UBE2E2: variants seen among roughly 807,000 people sequenced by gnomAD.
UBE2E2 encodes ubiquitin-conjugating enzyme E2 E2.
A neutral mutation model predicts 24.7 loss-of-function variants in UBE2E2; 6 were observed. The observed-to-expected ratio is 0.24, with a 90% CI of 0.13 to 0.48. UBE2E2 has a LOEUF of 0.48. Ranked by LOEUF, UBE2E2 falls within the 20% of genes least tolerant of loss-of-function variation. The probability of loss-of-function intolerance (pLI) is 0.99; values close to 1 mark genes in which losing one functional copy is unlikely to be tolerated. For missense variants in UBE2E2, 169 were observed against 245.0 expected, an observed-to-expected ratio of 0.69 and a Z score of 2.07; for synonymous variants, 104 against 83.6, an observed-to-expected ratio of 1.24 and a Z score of -1.33.
At chr3:23,526,569 A>C (rs1018689154) in intron 4 of UBE2E2, among the ~76,000 whole-genome samples, 1 of 152,216 alleles carries the variant, frequency 6.6e-6, no homozygotes, top group African/African-American at 2.4e-5. Flanking sequence ...AGGAGGTCCT[A>C]CTGCAAGTAT....
chr3:23,333,756 A>G (rs1356934546), intron 3 of UBE2E2, among the ~76,000 whole-genome samples: 2 of 152,174 alleles, frequency 1.3e-5, no homozygotes, highest in African/African-American at 4.8e-5. Context: ...GCTTCTGAGT[A>G]TTAAAGGACA....
At chr3:23,532,737 G>A (rs1241993845) in intron 5 of UBE2E2, 36 bp downstream of exon 5, 1 of 1,473,020 alleles carries the variant, frequency 6.8e-7, no homozygotes, top group Non-Finnish European at 9.2e-7. Context: ...ATTGGAGCTT[G>A]TCAAGATTTA....
chr3:23,451,055 T>A (rs1698550402), intron 3 of UBE2E2, among the ~76,000 whole-genome samples: 1 of 152,222 alleles, frequency 6.6e-6, no homozygotes, highest in Non-Finnish European at 1.5e-5. Context: ...GGGAACTTTT[T>A]GTACTATCTT....
At position 23,499,757 on chromosome 3, in the gene UBE2E2, C is replaced by T. The variant is rs1699679252; in HGVS notation, c.360+17C>T. The T allele has an allele frequency of 6.2e-7, 1 of 1,606,734 alleles. No individual in the cohort carries two copies. The highest frequency in any genetic ancestry group is 8.5e-7 in the Non-Finnish European group (1 of 1,178,186). ...CCCCCTAAGGTCAGTATGAAGTTTT[C>T]ATTGATTTTTAGCAATATGGATTAT... On this transcript the variant is annotated intron_variant, in intron 4 of 5. Transcript: ENST00000396703.
At chr3:23,418,627 T>G (rs114289726) in intron 3 of UBE2E2, among the ~76,000 whole-genome samples, 1,691 of 152,306 alleles carry the variant, frequency 0.011, 22 homozygotes, top group African/African-American at 0.037. Context: ...TAACCAGAGA[T>G]GTTTTGTTTG....
intron 3 of UBE2E2, among the ~76,000 whole-genome samples, chr3:23,451,090 C>T (rs952492841): frequency 6.6e-6 from 1 of 152,172 alleles, no homozygotes; most frequent in African/African-American, 2.4e-5. Context: ...AAATCTGCAA[C>T]TATTGTAAAA....
chr3:23,406,132 C>T (rs778461), intron 3 of UBE2E2, among the ~76,000 whole-genome samples: 6 of 152,134 alleles, frequency 3.9e-5, no homozygotes, highest in Non-Finnish European at 7.4e-5. Context: ...CTGCCTGGAA[C>T]GCAGAATTAT....
chr3:23,567,040 T>C lies in UBE2E2; in HGVS notation c.509-22694T>C, dbSNP rs570474412. On this transcript the variant is annotated intron_variant, in intron 5 of 5. Transcript: ENST00000396703. ...CTCTCACAAATTTCCAGACCAGTCT[T>C]AGTGAGGTAAAAAGATGCATTCTAG... is the stretch of plus-strand genomic sequence containing the variant. 2.6e-5 allele frequency among the ~76,000 whole-genome samples: 4 copies of C among 152,300 alleles called. No homozygotes were observed. The South Asian group carries it at 6.2e-4, about 24-fold the overall frequency.
intron 3 of UBE2E2, among the ~76,000 whole-genome samples, chr3:23,427,182 G>A (rs1262079065): frequency 1.3e-5 from 2 of 151,482 alleles, no homozygotes; most frequent in Non-Finnish European, 2.9e-5. Flanking sequence ...GCACTTTGGG[G>A]AGGCTGACAT....
chr3:23,208,060 G>A (rs1035731260), intron 1 of UBE2E2, among the ~76,000 whole-genome samples: 2 of 151,784 alleles, frequency 1.3e-5, no homozygotes, highest in Non-Finnish European at 2.9e-5. Context: ...TTGAGACAGG[G>A]TCTTGCTCTG....
chr3:23,404,522 T>C (rs1697311441), intron 3 of UBE2E2, among the ~76,000 whole-genome samples: 1 of 152,200 alleles, frequency 6.6e-6, no homozygotes, highest in Non-Finnish European at 1.5e-5. Flanking sequence ...TTTGTTGTTA[T>C]TTGATGAATA....
At chr3:23,359,323 C>T (rs1696050054) in intron 3 of UBE2E2, among the ~76,000 whole-genome samples, 1 of 152,132 alleles carries the variant, frequency 6.6e-6, no homozygotes, top group Admixed American at 6.5e-5. Context: ...GAATGTAGAT[C>T]AACAAGATAA....
chr3:23,504,960 G>A (rs576268224), intron 4 of UBE2E2, among the ~76,000 whole-genome samples: 1 of 133,746 alleles, frequency 7.5e-6, no homozygotes, highest in South Asian at 2.5e-4. Flanking sequence ...CCAGGCTGGA[G>A]TGCAGTGACG....
intron 3 of UBE2E2, among the ~76,000 whole-genome samples, chr3:23,322,149 A>G (rs1694755603): frequency 6.6e-6 from 1 of 152,228 alleles, no homozygotes; most frequent in South Asian, 2.1e-4. Flanking sequence ...TGAAATATTT[A>G]GTAAGTTATA....
intron 3 of UBE2E2, among the ~76,000 whole-genome samples, chr3:23,466,987 G>T (rs187455098): frequency 9.8e-5 from 15 of 152,306 alleles, no homozygotes; most frequent in Admixed American, 2.6e-4. Context: ...GAAAGCAAAA[G>T]AACAATTATT....
chr3:23,518,170 G>T (rs60430884), intron 4 of UBE2E2, among the ~76,000 whole-genome samples: 82,784 of 151,892 alleles, frequency 0.55, 23,340 homozygotes, highest in East Asian at 0.74. Context: ...TTTGGAAGCC[G>T]TGGAATGTGA....
At chr3:23,565,457 T>C in intron 5 of UBE2E2, among the ~76,000 whole-genome samples, 1 of 144,816 alleles carries the variant, frequency 6.9e-6, no homozygotes, top group South Asian at 2.3e-4. Context: ...TTTTTTTTTT[T>C]TTTTTTTTTT....
chr3:23,416,722 A>T (rs941328963), intron 3 of UBE2E2, among the ~76,000 whole-genome samples: 1 of 152,034 alleles, frequency 6.6e-6, no homozygotes, highest in South Asian at 2.1e-4. Context: ...ACATAGTCCC[A>T]TATTTCTTGG....
At position 23,519,971 on chromosome 3, in the gene UBE2E2, G is replaced by A. The variant is rs781544268; in HGVS notation, c.361-12583G>A. Among the ~76,000 whole-genome samples, 14 of 151,976 alleles carry A rather than the reference G, an allele frequency of 9.2e-5. No individual in the cohort carries two copies. The East Asian group carries it at 1.5e-3, about 17-fold the overall frequency. On this transcript the variant is annotated intron_variant, in intron 4 of 5. Transcript: ENST00000396703. Reference sequence around the variant, plus strand: ...ATATCATTAAACATTTCTTCTCTTCGCTATTCACTTTACATGCTTGATCAT... The same window carrying A: ...ATATCATTAAACATTTCTTCTCTTCACTATTCACTTTACATGCTTGATCAT...
Sources: gnomAD v4.1 joint callset for allele counts (sites outside exome capture counted in the v4.1 genomes callset) on GRCh38, gnomAD v4.1.1 for gene constraint, MANE v1.5 for transcripts, NCBI Gene and HGNC (gene_info 2026-07-23, HGNC 2026-07-21) for gene names.